TENM2: variants seen among roughly 807,000 people sequenced by gnomAD.
TENM2 encodes the protein teneurin-2.
Under a neutral mutation model 245.2 loss-of-function variants are expected in TENM2, and 52 were observed. The ratio of observed to expected loss-of-function variants is 0.21; its 90% CI spans 0.17 to 0.27. The LOEUF is 0.27. Among genes scored for constraint, TENM2 ranks in the 10% least tolerant of loss-of-function variants. The pLI is 1.00. For synonymous variants in TENM2, 1,363 were observed against 1,438.9 expected (o/e 0.95, Z 1.19); for missense variants, 3,046 against 3,666.8 (o/e 0.83, Z 4.37).
At chr5:166,979,524 G>T in the TENM2 span, among the ~76,000 whole-genome samples, 2 of 152,164 alleles carry the variant, frequency 1.3e-5, no homozygotes, top group Non-Finnish European at 2.9e-5. Flanking sequence ...CGAGCTGCTG[G>T]TAAATGTTTT....
intron 27 of TENM2, among the ~76,000 whole-genome samples, chr5:168,253,905 T>C (rs1767396605): frequency 6.6e-6 from 1 of 152,208 alleles, no homozygotes; most frequent in African/African-American, 2.4e-5. Flanking sequence ...CAGATAAAAT[T>C]TGAGTTCAGT....
At chr5:167,343,315 T>C (rs1758240335) in intron 1 of TENM2, among the ~76,000 whole-genome samples, 1 of 152,226 alleles carries the variant, frequency 6.6e-6, no homozygotes, top group Non-Finnish European at 1.5e-5. Flanking sequence ...AAAATTATAC[T>C]GGACACCAAC....
chr5:167,770,950 A>G (rs1336738613), intron 2 of TENM2, among the ~76,000 whole-genome samples: 4 of 152,142 alleles, frequency 2.6e-5, no homozygotes, highest in Admixed American at 2.6e-4. Context: ...AAAGCCCAAA[A>G]TTAGAATTTA....
At chr5:168,072,896 T>C (rs1791145972) in intron 7 of TENM2, among the ~76,000 whole-genome samples, 6 of 152,126 alleles carry the variant, frequency 3.9e-5, no homozygotes, top group Admixed American at 3.3e-4. Context: ...CCGACACCAA[T>C]ACTGATATGC....
At chr5:167,942,014 C>G (rs893128463) in intron 3 of TENM2, among the ~76,000 whole-genome samples, 2 of 152,144 alleles carry the variant, frequency 1.3e-5, no homozygotes, top group Non-Finnish European at 2.9e-5. Context: ...TTGAGACCAG[C>G]CTGGCCAACA....
At chr5:167,007,472 T>G in the TENM2 span, among the ~76,000 whole-genome samples, 1 of 152,222 alleles carries the variant, frequency 6.6e-6, no homozygotes, top group Non-Finnish European at 1.5e-5. The surrounding 1 kb of genome is among the most constrained non-coding windows in gnomAD (Gnocchi z 4.2). Context: ...AGTACAAAAG[T>G]ATCAAAAGCG....
chr5:167,333,325 G>T (rs144239451), intron 1 of TENM2, among the ~76,000 whole-genome samples: 4 of 152,188 alleles, frequency 2.6e-5, no homozygotes, highest in Non-Finnish European at 5.9e-5. Flanking sequence ...TCTTAGCCTC[G>T]ATTTTCTCAG....
chr5:168,163,002 A>T (rs536469846), intron 13 of TENM2, among the ~76,000 whole-genome samples: 2 of 152,324 alleles, frequency 1.3e-5, no homozygotes, highest in African/African-American at 4.8e-5. Flanking sequence ...ATTGCCACAT[A>T]AAGGTGGCTG....
chr5:168,228,184 C>T, intron 25 of TENM2, 54 bp downstream of exon 27: 1 of 1,396,462 alleles, frequency 7.2e-7, no homozygotes, highest in South Asian at 1.2e-5. Context: ...TATACACTTT[C>T]CTCACAGAGC....
chr5:168,009,688 G>A (rs576144581), intron 5 of TENM2, among the ~76,000 whole-genome samples: 3 of 152,338 alleles, frequency 2.0e-5, no homozygotes, highest in Admixed American at 2.0e-4. Flanking sequence ...AGGCCCCAAA[G>A]CCACTTTAGT....
chr5:167,105,905 A>C, the TENM2 span, among the ~76,000 whole-genome samples: 1 of 70,370 alleles, frequency 1.4e-5, no homozygotes. Flanking sequence ...AAAAAAAAAA[A>C]AAAAAAAAAA....
intron 2 of TENM2, among the ~76,000 whole-genome samples, chr5:167,823,358 G>A (rs1013594415): frequency 6.6e-6 from 1 of 152,080 alleles, no homozygotes; most frequent in Non-Finnish European, 1.5e-5. Context: ...GTGCATATAT[G>A]TAATTATACA....
chr5:167,107,943 G>A, the TENM2 span, among the ~76,000 whole-genome samples: 28 of 152,156 alleles, frequency 1.8e-4, no homozygotes, highest in Non-Finnish European at 3.5e-4. Context: ...TTATTCAAAA[G>A]TACACAGCAG....
At chr5:167,993,086 C>T in exon 5 of TENM2, 1 of 1,614,030 alleles carries the variant, frequency 6.2e-7, no homozygotes, top group Non-Finnish European at 8.5e-7. Context: ...GGCTTTCAAG[C>T]TGAAGAAGCC....
At chr5:167,903,478 A>G (rs1775867725) in intron 3 of TENM2, among the ~76,000 whole-genome samples, 1 of 151,520 alleles carries the variant, frequency 6.6e-6, no homozygotes, top group Non-Finnish European at 1.5e-5. Flanking sequence ...TTCTTAGCTG[A>G]AACTGAAAAG....
At chr5:167,053,149 G>A in the TENM2 span, among the ~76,000 whole-genome samples, 1 of 152,030 alleles carries the variant, frequency 6.6e-6, no homozygotes, top group Non-Finnish European at 1.5e-5. Context: ...TTCAAGACTT[G>A]GCCATATGTT....
rs1541658 is a variant in TENM2, at chr5:167,323,794, A to G, written c.226+38731A>G. ...TCTAACTCAGAGCATATAGTACAGG[A>G]AAATGATAGGATTCAAAATGTGGTT... On this transcript the variant is annotated intron_variant, in intron 1 of 28. Coordinates refer to ENST00000518659, the Ensembl canonical transcript of TENM2. 0.014 allele frequency among the ~76,000 whole-genome samples: 2,080 copies of G among 152,306 alleles called. 188 individuals carry two copies. The East Asian group carries it at 0.23, about 17-fold the overall frequency.
At chr5:167,311,817 A>C (rs778333966) in intron 1 of TENM2, among the ~76,000 whole-genome samples, 1 of 152,228 alleles carries the variant, frequency 6.6e-6, no homozygotes, top group East Asian at 1.9e-4. Context: ...CTTACAAATC[A>C]TATTCTAAAT....
At chr5:167,421,449 G>A (rs1352241823) in intron 2 of TENM2, among the ~76,000 whole-genome samples, 2 of 152,170 alleles carry the variant, frequency 1.3e-5, no homozygotes, top group Non-Finnish European at 2.9e-5. Context: ...CTCGGCATGG[G>A]TGTTGTCCCT....
Sources: allele counts gnomAD v4.1 joint callset (sites outside exome capture counted in the v4.1 genomes callset), GRCh38; gene constraint gnomAD v4.1.1; non-coding constraint Gnocchi (gnomAD v3.1); transcripts MANE v1.5; gene names NCBI Gene and HGNC (gene_info 2026-07-23, HGNC 2026-07-21).